The following PVT1 variants were observed in gnomAD, a reference collection of about 807,000 sequenced individuals.
PVT1 encodes CXCR4/PVT1 fusion.
intron 2 of PVT1, among the ~76,000 whole-genome samples, chr8:127,801,051 G>A (rs1305765451): frequency 6.6e-6 from 1 of 152,284 alleles, no homozygotes; most frequent in Non-Finnish European, 1.5e-5. Flanking sequence ...TAGGACAGAG[G>A]TGGAGGCAGA....
intron 3 of PVT1, among the ~76,000 whole-genome samples, chr8:127,953,787 A>T (rs552438710): frequency 6.6e-6 from 1 of 151,878 alleles, no homozygotes; most frequent in East Asian, 1.9e-4. Flanking sequence ...TGACTGGAAC[A>T]TTTTTTTTCT....
chr8:128,047,443 A>C (rs1813629988), intron 4 of PVT1, among the ~76,000 whole-genome samples: 1 of 152,238 alleles, frequency 6.6e-6, no homozygotes, highest in Non-Finnish European at 1.5e-5. Context: ...GCAGTTGCTC[A>C]CTAAAGAGAA....
chr8:128,036,784 G>A (rs374716751), intron 4 of PVT1, among the ~76,000 whole-genome samples: 8 of 152,288 alleles, frequency 5.3e-5, no homozygotes, highest in African/African-American at 1.4e-4. Flanking sequence ...ACCGCACCTG[G>A]GTTTTGCCAG....
chr8:127,967,979 A>G (rs528975153), intron 3 of PVT1, among the ~76,000 whole-genome samples: 1 of 151,166 alleles, frequency 6.6e-6, no homozygotes, highest in Non-Finnish European at 1.5e-5. Context: ...CCGGAAACGT[A>G]TGACTTTGGA....
chr8:127,898,245 CGAAG>C lies in PVT1; in HGVS notation n.782+7256_782+7259del, dbSNP rs1386173885. ...GAAAAGAAAGAAAGAAAGAAAGAAA[CGAAG>C]GAAGGAAGAAAGAAAGAGTGTAAAG... is the stretch of plus-strand genomic sequence containing the variant. On this transcript the variant is annotated intron_variant and non_coding_transcript_variant, in intron 3 of 10. Transcript: ENST00000651587. This position sits in a 1 kb window ranked among gnomAD's most constrained non-coding sequence, Gnocchi z 4.4. 5.9e-5 allele frequency among the ~76,000 whole-genome samples: 8 copies of C among 135,374 alleles called. No homozygotes were observed. Among genetic ancestry groups the C allele is most frequent in the East Asian group, 2.1e-4 (1 of 4,762 alleles). The allele number at this position is 135,374 out of a possible 152,430, so 88.8% of individuals were successfully genotyped here. A position where few individuals can be genotyped will look rare whatever the true frequency, so the allele number is the denominator to read the frequency against.
At chr8:128,045,483 T>C (rs1203996045) in intron 4 of PVT1, among the ~76,000 whole-genome samples, 3 of 152,176 alleles carry the variant, frequency 2.0e-5, no homozygotes, top group African/African-American at 4.8e-5. Context: ...TGCATAAGTG[T>C]TATATGCTTT....
intron 5 of PVT1, among the ~76,000 whole-genome samples, chr8:128,092,105 ACCCT>A (rs968394850): frequency 6.6e-5 from 10 of 151,630 alleles, no homozygotes; most frequent in African/African-American, 2.4e-4. Context: ...GGCCCAGCTG[ACCCT>A]CCCAGTGCAG....
At chr8:128,068,841 A>C (rs1463800254) in intron 4 of PVT1, among the ~76,000 whole-genome samples, 2 of 152,206 alleles carry the variant, frequency 1.3e-5, no homozygotes, top group African/African-American at 4.8e-5. Context: ...ATATGCCTCC[A>C]TTGCCGGTGG....
rs1164435363 is a variant in PVT1 at position 127,963,430 on chromosome 8, G to C, written n.783-25732G>C. 3.3e-5 allele frequency among the ~76,000 whole-genome samples: 5 copies of C among 152,250 alleles called. No homozygotes were observed. The South Asian group carries it at 1.0e-3, about 32-fold the overall frequency. On this transcript the variant is annotated intron_variant and non_coding_transcript_variant, in intron 3 of 10. Coordinates refer to ENST00000651587, the Ensembl canonical transcript of PVT1. The stretch of plus-strand genomic sequence containing the variant: ...GTTGTTTACACTAGCGTTGTTATTG[G>C]AAATCACTCAATTCTTGTTCTCACC...
chr8:128,012,614 C>A (rs963019332), intron 4 of PVT1, among the ~76,000 whole-genome samples: 1 of 152,090 alleles, frequency 6.6e-6, no homozygotes, highest in African/African-American at 2.4e-5. Context: ...TGATGGAGAC[C>A]CTGTTTCGAG....
intron 2 of PVT1, among the ~76,000 whole-genome samples, chr8:127,887,008 C>A (rs1815530186): frequency 6.6e-6 from 1 of 152,166 alleles, no homozygotes; most frequent in South Asian, 2.1e-4. Flanking sequence ...CAAATTCTGA[C>A]TCCCTAGTAT....
chr8:127,928,462 C>T (rs1816159352), intron 3 of PVT1, among the ~76,000 whole-genome samples: 1 of 152,204 alleles, frequency 6.6e-6, no homozygotes, highest in African/African-American at 2.4e-5. Context: ...GAATTGTCTT[C>T]TTTATCATCT....
At chr8:128,017,927 T>C (rs996107104) in intron 4 of PVT1, among the ~76,000 whole-genome samples, 2 of 152,230 alleles carry the variant, frequency 1.3e-5, no homozygotes, top group African/African-American at 4.8e-5. Context: ...TCAGATGGAA[T>C]GCCAGCACAT....
At chr8:127,986,987 C>T (rs1816977320) in intron 3 of PVT1, among the ~76,000 whole-genome samples, 1 of 152,160 alleles carries the variant, frequency 6.6e-6, no homozygotes, top group Non-Finnish European at 1.5e-5. Flanking sequence ...ACCAACACTT[C>T]AGCCCTGTAT....
intron 4 of PVT1, among the ~76,000 whole-genome samples, chr8:128,016,694 G>A (rs1817378810): frequency 6.6e-6 from 1 of 152,226 alleles, no homozygotes. Context: ...GGGAGACGAA[G>A]ATGAGTCATG....
chr8:127,838,393 G>A (rs1814932402), intron 2 of PVT1, among the ~76,000 whole-genome samples: 1 of 152,038 alleles, frequency 6.6e-6, no homozygotes, highest in Non-Finnish European at 1.5e-5. Flanking sequence ...GGAATATCAA[G>A]TAAACCCTAT....
At chr8:127,843,638 G>A (rs1217921988) in intron 2 of PVT1, among the ~76,000 whole-genome samples, 3 of 151,644 alleles carry the variant, frequency 2.0e-5, no homozygotes, top group Non-Finnish European at 4.4e-5. Flanking sequence ...GTGGAGACGC[G>A]GTTTCACCAT....
At chr8:127,944,554 AT>A (rs11403538) in intron 3 of PVT1, among the ~76,000 whole-genome samples, 211 of 145,396 alleles carry the variant, frequency 1.5e-3, no homozygotes, top group African/African-American at 3.0e-3. Context: ...CAGTTGTCCC[AT>A]TTTTTTTTTT....
At chr8:127,949,562 C>T (rs996799581) in intron 3 of PVT1, among the ~76,000 whole-genome samples, 1 of 151,874 alleles carries the variant, frequency 6.6e-6, no homozygotes, top group Admixed American at 6.6e-5. Context: ...CACCCCCCAT[C>T]CCTGGTATTA....
Sources: allele counts gnomAD v4.1 joint callset (sites outside exome capture counted in the v4.1 genomes callset), GRCh38; gene constraint gnomAD v4.1.1; non-coding constraint Gnocchi (gnomAD v3.1); transcripts MANE v1.5; gene names NCBI Gene and HGNC (gene_info 2026-07-23, HGNC 2026-07-21).